RYR3: variants seen among roughly 807,000 people sequenced by gnomAD.
RYR3 encodes the protein brain ryanodine receptor-calcium release channel.
RYR3 carries 207 observed loss-of-function variants against 584.3 expected under a neutral mutation model. That is an observed-to-expected ratio of 0.35 (90% CI 0.32 to 0.40). The LOEUF (loss-of-function observed/expected upper bound fraction) is 0.40, where lower values mean the gene tolerates loss of function less well. Ranked by LOEUF, RYR3 falls within the 10% of genes least tolerant of loss-of-function variation. The probability of loss-of-function intolerance (pLI) is 1.00; values close to 1 mark genes in which losing one functional copy is unlikely to be tolerated. For synonymous variants in RYR3, 2,416 were observed against 2,248.5 expected, an observed-to-expected ratio of 1.07 and a Z score of -2.11; for missense variants, 5,616 against 6,089.2, an observed-to-expected ratio of 0.92 and a Z score of 2.59.
intron 20 of RYR3, among the ~76,000 whole-genome samples, chr15:33,627,174 T>G (rs1177826975): frequency 6.6e-6 from 1 of 152,180 alleles, no homozygotes; most frequent in Non-Finnish European, 1.5e-5. Flanking sequence ...GGCAAAAGTG[T>G]GGGTCCCGTG....
Position 33,841,781 on chromosome 15 carries a change from A to G in RYR3, c.13038-83A>G, listed in dbSNP as rs2078382872. On this transcript the variant is annotated intron_variant, in intron 90 of 103. Transcript: ENST00000634891. ...TTCTACCTCCCGGCCCTCTCAATCCAGATTTCTCTTTAATCTAGTCTCCCT... is the reference window on the plus strand; with the variant it reads ...TTCTACCTCCCGGCCCTCTCAATCCGGATTTCTCTTTAATCTAGTCTCCCT... 2.8e-6 allele frequency: 4 copies of G among 1,404,016 alleles called. No homozygotes were observed. The Admixed American group carries it at 9.9e-5, about 35-fold the overall frequency. The allele number at this position is 1,404,016 out of a possible 1,614,324, so 87.0% of individuals were successfully genotyped here. A position where few individuals can be genotyped will look rare whatever the true frequency, so the allele number is the denominator to read the frequency against.
chr15:33,730,369 A>G (rs1019387130), intron 47 of RYR3, among the ~76,000 whole-genome samples: 1 of 152,228 alleles, frequency 6.6e-6, no homozygotes, highest in Non-Finnish European at 1.5e-5. Context: ...TAACACATAG[A>G]CATTCATGCA....
chr15:33,837,095 A>G, intron 88 of RYR3, 108 bp downstream of exon 88: 1 of 923,882 alleles, frequency 1.1e-6, no homozygotes, highest in Non-Finnish European at 1.6e-6. Context: ...ATGCCATATG[A>G]CATTGGTCAG....
chr15:33,470,932 G>A (rs2048873768), intron 1 of RYR3, among the ~76,000 whole-genome samples: 1 of 152,206 alleles, frequency 6.6e-6, no homozygotes. Context: ...TTCTAGGGGA[G>A]AAAGTGCAAA....
intron 2 of RYR3, among the ~76,000 whole-genome samples, chr15:33,497,239 G>A (rs2051521299): frequency 6.6e-6 from 1 of 152,134 alleles, no homozygotes; most frequent in Non-Finnish European, 1.5e-5. Flanking sequence ...TCACCTTTCT[G>A]TTGGCCCAAA....
intron 74 of RYR3, chr15:33,816,023 G>A: frequency 2.5e-6 from 1 of 395,390 alleles, no homozygotes; most frequent in Non-Finnish European, 4.5e-6. Flanking sequence ...ACACGAATTT[G>A]TACAATTTTT....
chr15:33,845,140 C>A, intron 93 of RYR3, 78 bp downstream of exon 93: 3 of 1,476,638 alleles, frequency 2.0e-6, no homozygotes, highest in Non-Finnish European at 2.8e-6. Flanking sequence ...CAGCCCTTTG[C>A]TCTAAGACTT....
intron 57 of RYR3, among the ~76,000 whole-genome samples, chr15:33,752,742 C>T (rs1049106516): frequency 6.6e-6 from 1 of 152,144 alleles, no homozygotes; most frequent in Admixed American, 6.6e-5. Context: ...TGCCTGATTG[C>T]CCTGGCCAGA....
At chr15:33,725,198 C>CACAT (rs2068288847) in intron 45 of RYR3, among the ~76,000 whole-genome samples, 3 of 125,058 alleles carry the variant, frequency 2.4e-5, no homozygotes, top group African/African-American at 9.6e-5. Flanking sequence ...CACACACACA[C>CACAT]ACACATATAT....
intron 3 of RYR3, among the ~76,000 whole-genome samples, chr15:33,518,725 A>G (rs2053733782): frequency 6.6e-6 from 1 of 152,156 alleles, no homozygotes; most frequent in African/African-American, 2.4e-5. Flanking sequence ...TTATTTTTCC[A>G]GTTGTCAGAA....
At chr15:33,404,773 A>G (rs1408216824) in intron 1 of RYR3, among the ~76,000 whole-genome samples, 1 of 151,768 alleles carries the variant, frequency 6.6e-6, no homozygotes, top group Admixed American at 6.5e-5. Flanking sequence ...TTTGAAGACT[A>G]TAAGATAATT....
chr15:33,620,322 G>A (rs990741026), intron 19 of RYR3, among the ~76,000 whole-genome samples: 7 of 152,050 alleles, frequency 4.6e-5, no homozygotes, highest in Non-Finnish European at 8.8e-5. Flanking sequence ...TTTGGCTTCC[G>A]AAAAGGGAGA....
At chr15:33,862,204 G>A (rs1191110633) in intron 102 of RYR3, among the ~76,000 whole-genome samples, 1 of 151,702 alleles carries the variant, frequency 6.6e-6, no homozygotes, top group African/African-American at 2.4e-5. Flanking sequence ...CTATTTTGTA[G>A]CTTAGAGAGT....
At chr15:33,864,031 G>A (rs1259371093) in intron 102 of RYR3, 107 bp from the exon 103 acceptor site, 4 of 729,304 alleles carry the variant, frequency 5.5e-6, no homozygotes, top group Non-Finnish European at 9.6e-6. Flanking sequence ...AGTCACTGTA[G>A]ATAGCGTGGG....
intron 45 of RYR3, among the ~76,000 whole-genome samples, chr15:33,724,598 T>A (rs183317926): frequency 2.6e-5 from 4 of 152,312 alleles, no homozygotes; most frequent in Admixed American, 2.0e-4. Context: ...GTTTGAATTT[T>A]TCCCCCAGAG....
intron 10 of RYR3, among the ~76,000 whole-genome samples, chr15:33,552,517 G>A (rs1222290742): frequency 6.6e-6 from 1 of 152,196 alleles, no homozygotes; most frequent in African/African-American, 2.4e-5. Flanking sequence ...TGGCAATGTG[G>A]TTACATTTCA....
At chr15:33,536,080 G>T (rs990865079) in intron 5 of RYR3, among the ~76,000 whole-genome samples, 1 of 152,194 alleles carries the variant, frequency 6.6e-6, no homozygotes, top group African/African-American at 2.4e-5. Context: ...ATTACCTGGA[G>T]ATTCTCCTCA....
At chr15:33,353,332 C>T (rs1450200429) in intron 1 of RYR3, among the ~76,000 whole-genome samples, 1 of 152,046 alleles carries the variant, frequency 6.6e-6, no homozygotes, top group Non-Finnish European at 1.5e-5. Context: ...CTTGAAGGTG[C>T]GCATAAAAGG....
chr15:33,735,048 C>G (rs1049594871), intron 48 of RYR3, among the ~76,000 whole-genome samples: 1 of 151,916 alleles, frequency 6.6e-6, no homozygotes, highest in African/African-American at 2.4e-5. Context: ...TATTACTGTA[C>G]TTTTAGAGCT....
Sources: allele counts gnomAD v4.1 joint callset (sites outside exome capture counted in the v4.1 genomes callset), GRCh38; gene constraint gnomAD v4.1.1; transcripts MANE v1.5; gene names NCBI Gene and HGNC (gene_info 2026-07-23, HGNC 2026-07-21).